The following ZNF469 variants were observed in gnomAD, a reference collection of about 807,000 sequenced individuals.
ZNF469 encodes the protein zinc finger protein 469.
In ZNF469, 1 loss-of-function variant was observed where a neutral mutation model predicts 1.0. The observed-to-expected ratio is 1.00, with a 90% CI of 0.35 to 4.73. The LOEUF is 4.73. ZNF469 is among the 30% of genes most tolerant of loss of function. ZNF469 has a pLI of 0.16. For missense variants in ZNF469, 6,100 were observed against 5,356.3 expected (o/e 1.14, Z -4.33); for synonymous variants, 2,703 against 2,363.4 (o/e 1.14, Z -4.17).
chr16:88,162,643 G>A, the ZNF469 span, among the ~76,000 whole-genome samples: 3 of 151,230 alleles, frequency 2.0e-5, no homozygotes, highest in Non-Finnish European at 4.4e-5. Context: ...TTTCAAAAAA[G>A]CATTTATCTT....
chr16:88,215,122 C>T, the ZNF469 span, among the ~76,000 whole-genome samples: 11 of 152,142 alleles, frequency 7.2e-5, no homozygotes, highest in Non-Finnish European at 1.6e-4. Context: ...TTGTAATCAG[C>T]ATGCGGACAG....
the ZNF469 span, among the ~76,000 whole-genome samples, chr16:88,206,940 GGA>G: frequency 1.3e-3 from 1 of 792 alleles, no homozygotes; most frequent in African/African-American, 4.6e-3. Context: ...GAGGCCGCGG[GGA>G]CGGAGGGGAG....
rs9931465 is a variant in ZNF469, at chr16:88,433,131, C to G, written c.5661C>G (p.Thr1887=). The stretch of plus-strand genomic sequence containing the variant: ...CAAGTCCCGCCTGTGTATCCAACAC[C>G]CACCCTAGCAGGAGGTCCCAGGACC... ...PVPSPACVSN[T]HPSRRSQDPA... Residue 1887 remains threonine (T), a synonymous_variant, in exon 3 of 3, where the codon ACC becomes ACG. Transcript: ENST00000565624. The G allele has an allele frequency of 0.91, 1,406,357 of 1,550,168 alleles. 643,569 individuals carry two copies. Among genetic ancestry groups the G allele is most frequent in the Non-Finnish European group, 0.94 (1,074,124 of 1,146,910 alleles).
Position 88,429,959 on chromosome 16 carries a change from C to G in ZNF469, c.2489C>G (p.Ser830Trp), listed in dbSNP as rs773878123. Residue 830 changes from serine (S) to tryptophan (W), a missense_variant, in exon 3 of 3, where the codon TCG becomes TGG. By Grantham distance (177) the Ser-to-Trp change is radical (BLOSUM62 -3). Coordinates refer to ENST00000565624, the MANE Select transcript of ZNF469 (RefSeq NM_001367624.2). ...LAATPFPLPASDLDMEDDAKL... is the reference protein window; with the variant it reads ...LAATPFPLPAWDLDMEDDAKL... ...GCCACCCCCTTCCCGCTCCCTGCCT[C>G]GGACCTGGACATGGAGGATGACGCC... 13 of 1,550,332 alleles carry G rather than the reference C, an allele frequency of 8.4e-6. 1 individual carries two copies. The East Asian group carries it at 2.7e-4, about 32-fold the overall frequency.
the ZNF469 span, among the ~76,000 whole-genome samples, chr16:88,351,905 G>C: frequency 6.6e-6 from 1 of 152,240 alleles, no homozygotes; most frequent in African/African-American, 2.4e-5. Context: ...TTTCGAAACT[G>C]GGTCACCTGG....
the ZNF469 span, among the ~76,000 whole-genome samples, chr16:88,282,451 C>T: frequency 6.6e-6 from 1 of 152,174 alleles, no homozygotes; most frequent in Non-Finnish European, 1.5e-5. Flanking sequence ...CCCGCAGTGC[C>T]TGTTGGACCT....
At chr16:88,160,749 C>T in the ZNF469 span, among the ~76,000 whole-genome samples, 11 of 152,166 alleles carry the variant, frequency 7.2e-5, no homozygotes, top group Non-Finnish European at 1.2e-4. Flanking sequence ...ACCTGCTGCC[C>T]GGCTCTGACA....
the ZNF469 span, among the ~76,000 whole-genome samples, chr16:88,230,606 ACGCCCCCTCTCCCG>A: frequency 2.1e-5 from 3 of 143,024 alleles, no homozygotes; most frequent in Admixed American, 2.1e-4. Flanking sequence ...GCCTCCGGGG[ACGCCCCCTCTCCCG>A]CCAGAGAGTG....
chr16:88,226,997 ACCCGTGCCTCCTCCG>A, the ZNF469 span, among the ~76,000 whole-genome samples: 7 of 145,528 alleles, frequency 4.8e-5, no homozygotes, highest in South Asian at 2.2e-4. Flanking sequence ...GCGCGTTTCC[ACCCGTGCCTCCTCCG>A]CGCCGGGGCC....
At chr16:88,102,406 G>C in the ZNF469 span, among the ~76,000 whole-genome samples, 27 of 152,240 alleles carry the variant, frequency 1.8e-4, no homozygotes, top group African/African-American at 6.5e-4. Context: ...TGTAATCCCA[G>C]CTACTCAGGA....
the ZNF469 span, among the ~76,000 whole-genome samples, chr16:88,110,194 G>A: frequency 6.6e-6 from 1 of 152,130 alleles, no homozygotes; most frequent in African/African-American, 2.4e-5. Flanking sequence ...GGCCGAGGCC[G>A]CCCCACCCCA....
chr16:88,250,534 G>A, the ZNF469 span, among the ~76,000 whole-genome samples: 2 of 152,172 alleles, frequency 1.3e-5, no homozygotes, highest in African/African-American at 2.4e-5. Flanking sequence ...CCAAATCTGG[G>A]AAGTTTTATG....
chr16:88,402,764 A>C (rs2333922), intron 1 of ZNF469, among the ~76,000 whole-genome samples: 49,154 of 152,118 alleles, frequency 0.32, 8,623 homozygotes, highest in South Asian at 0.52. Flanking sequence ...CTCCGGTTCC[A>C]GGGCCTCTGA....
chr16:88,219,385 T>G, the ZNF469 span, among the ~76,000 whole-genome samples: 7 of 132,112 alleles, frequency 5.3e-5, no homozygotes, highest in African/African-American at 2.0e-4. Context: ...AAGGCTACAG[T>G]AACCAAAACA....
At chr16:88,264,122 G>A in the ZNF469 span, among the ~76,000 whole-genome samples, 1 of 152,070 alleles carries the variant, frequency 6.6e-6, no homozygotes, top group Non-Finnish European at 1.5e-5. Context: ...GGCCACAGGG[G>A]CCACGTCCTC....
the ZNF469 span, among the ~76,000 whole-genome samples, chr16:88,105,342 T>C: frequency 2.7e-4 from 41 of 150,364 alleles, no homozygotes; most frequent in Middle Eastern, 3.5e-3. Flanking sequence ...TTCGCTCTTG[T>C]TGCCCAGGCT....
At chr16:88,361,749 T>C in the ZNF469 span, among the ~76,000 whole-genome samples, 1 of 152,226 alleles carries the variant, frequency 6.6e-6, no homozygotes, top group Admixed American at 6.5e-5. Flanking sequence ...CATATGTTCT[T>C]GCTTTTCATG....
chr16:88,232,105 G>C, the ZNF469 span, among the ~76,000 whole-genome samples: 1 of 152,110 alleles, frequency 6.6e-6, no homozygotes, highest in Non-Finnish European at 1.5e-5. Context: ...CTCAGACCTC[G>C]ACCACGCAAA....
the ZNF469 span, among the ~76,000 whole-genome samples, chr16:88,285,196 G>A: frequency 2.7e-3 from 405 of 152,380 alleles, 3 homozygotes; most frequent in African/African-American, 9.0e-3. Flanking sequence ...CCGTGTGCCC[G>A]GAGAACTGCC....
Sources: allele counts gnomAD v4.1 joint callset (sites outside exome capture counted in the v4.1 genomes callset), GRCh38; gene constraint gnomAD v4.1.1; transcripts MANE v1.5; gene names NCBI Gene and HGNC (gene_info 2026-07-23, HGNC 2026-07-21).